Variants in PLEKHA5 observed in about 807,000 individuals in gnomAD.
The protein encoded by PLEKHA5 is pleckstrin homology domain containing A5, also known as pleckstrin homology domain-containing family A member 5.
Under a neutral mutation model 181.9 loss-of-function variants are expected in PLEKHA5, and 55 were observed. That is an observed-to-expected ratio of 0.30 (90% CI 0.24 to 0.38). PLEKHA5 has a LOEUF of 0.38. Among genes scored for constraint, PLEKHA5 ranks in the 10% least tolerant of loss-of-function variants. The pLI is 1.00. For synonymous variants in PLEKHA5, 535 were observed against 529.4 expected (o/e 1.01, Z -0.15); for missense variants, 1,432 against 1,549.5 (o/e 0.92, Z 1.27).
intron 8 of PLEKHA5, 112 bp downstream of exon 8, chr12:19,265,962 A>C: frequency 3.9e-6 from 2 of 511,306 alleles, no homozygotes; most frequent in South Asian, 3.3e-5. Context: ...TTTTATATTT[A>C]AAATATATTA....
intron 17 of PLEKHA5, 140 bp from the exon 18 acceptor site, chr12:19,320,422 A>G: frequency 2.0e-6 from 1 of 496,688 alleles, no homozygotes; most frequent in South Asian, 3.4e-5. Flanking sequence ...TTTGAATTAA[A>G]CTTCTAAAAG....
intron 11 of PLEKHA5, among the ~76,000 whole-genome samples, chr12:19,278,230 A>G (rs1283965351): frequency 6.6e-6 from 1 of 152,186 alleles, no homozygotes; most frequent in Non-Finnish European, 1.5e-5. Context: ...CAAGCTTACT[A>G]AAAATATATA....
At chr12:19,274,459 GA>G in intron 10 of PLEKHA5, 56 bp from the exon 11 acceptor site, 1 of 1,219,598 alleles carries the variant, frequency 8.2e-7, no homozygotes, top group Admixed American at 2.3e-5. Flanking sequence ...TTGAATCCCA[GA>G]AGTAATATGT....
intron 3 of PLEKHA5, among the ~76,000 whole-genome samples, chr12:19,158,294 A>G (rs371294045): frequency 6.6e-6 from 1 of 152,014 alleles, no homozygotes; most frequent in African/African-American, 2.4e-5. Context: ...TGGAGCTTGC[A>G]GTGAGCCGAG....
intron 3 of PLEKHA5, among the ~76,000 whole-genome samples, chr12:19,250,828 A>T (rs2065079778): frequency 6.6e-6 from 1 of 152,152 alleles, no homozygotes; most frequent in South Asian, 2.1e-4. Flanking sequence ...CGTATTGCAA[A>T]AATATAGCAT....
chr12:19,342,393 A>T (rs746720433), intron 21 of PLEKHA5, among the ~76,000 whole-genome samples: 1 of 152,094 alleles, frequency 6.6e-6, no homozygotes, highest in African/African-American at 2.4e-5. Context: ...GCGGTGGCTC[A>T]CACCTGTAAT....
chr12:19,287,473 C>G lies in PLEKHA5; in HGVS notation c.1780C>G (p.His594Asp). 1.9e-6 allele frequency: 3 copies of G among 1,598,202 alleles called. No homozygotes were observed. The highest frequency in any genetic ancestry group is 2.6e-6 in the Non-Finnish European group (3 of 1,168,536). The change falls in exon 13 of 32, where the codon CAT becomes GAT. Residue 594 changes from histidine (H) to aspartate (D), a missense_variant and splice_region_variant. By Grantham distance (81) the His-to-Asp change is moderately conservative. Transcript: ENST00000429027. ...TTACATTGTGCCTTTACTTTCCTAG[C>G]ATGTCTATGTGCCTGACAGAAGGTC... ...DRRHRAHHPK[H>D]VYVPDRRSVP...
In PLEKHA5 at chr12:19,283,698, AGAG is replaced by A. The variant is rs764440887; in HGVS notation, c.1736_1738del (p.Gly579del). ...ATCGGAAGTGTCTTCACCAATTCAG[AGAG>A]GAGATGTGACAATAGACCGCAGACA... is the stretch of plus-strand genomic sequence containing the variant. On this transcript the variant is annotated inframe_deletion, in exon 12 of 32. Coordinates refer to ENST00000429027, the MANE Select transcript of PLEKHA5 (RefSeq NM_001256470.2). The A allele has an allele frequency of 6.2e-7, 1 of 1,614,004 alleles. No individual in the cohort carries two copies. Among genetic ancestry groups the A allele is most frequent in the Non-Finnish European group, 8.5e-7 (1 of 1,179,970 alleles).
chr12:19,365,264 G>A (rs1050539249), intron 29 of PLEKHA5, among the ~76,000 whole-genome samples: 1 of 151,840 alleles, frequency 6.6e-6, no homozygotes, highest in Admixed American at 6.6e-5. Flanking sequence ...CTACTCGGGA[G>A]GCTGAGGCAG....
intron 7 of PLEKHA5, among the ~76,000 whole-genome samples, chr12:19,261,524 T>C (rs1471832331): frequency 1.3e-5 from 2 of 152,198 alleles, no homozygotes; most frequent in Non-Finnish European, 2.9e-5. Flanking sequence ...AATTCAGTTT[T>C]AAATAAAAAT....
intron 3 of PLEKHA5, among the ~76,000 whole-genome samples, chr12:19,136,871 T>A (rs574781793): frequency 6.6e-6 from 1 of 152,184 alleles, no homozygotes; most frequent in Non-Finnish European, 1.5e-5. Context: ...CTGGATCTAA[T>A]GTATGCTAAT....
intron 20 of PLEKHA5, among the ~76,000 whole-genome samples, chr12:19,335,299 C>A (rs2093330285): frequency 6.6e-6 from 1 of 151,900 alleles, no homozygotes; most frequent in Non-Finnish European, 1.5e-5. Context: ...TCCTAAAGTG[C>A]TGGGATTATA....
rs530651755 is a variant in PLEKHA5, at chr12:19,170,945, T to C, written c.227+38495T>C. The stretch of plus-strand genomic sequence containing the variant: ...TGTTTATAGTTGTAGTCTGTTACCA[T>C]TGTGTCTTTTGGTGTTTGACTAATA... On this transcript the variant is annotated intron_variant, in intron 3 of 31. Transcript: ENST00000429027. Among the ~76,000 whole-genome samples the C allele has an allele frequency of 3.3e-4, 50 of 152,320 alleles. No homozygotes were observed. In the South Asian group the frequency reaches 0.01, roughly 31 times the overall value.
chr12:19,233,772 G>A (rs2060977407), intron 3 of PLEKHA5, among the ~76,000 whole-genome samples: 1 of 152,180 alleles, frequency 6.6e-6, no homozygotes, highest in South Asian at 2.1e-4. Context: ...AGAGTACTTT[G>A]GAGGCCCTCA....
At chr12:19,176,236 T>G (rs2047187583) in intron 3 of PLEKHA5, 1 of 128,052 alleles carries the variant, frequency 7.8e-6, no homozygotes, top group Admixed American at 8.9e-5. Flanking sequence ...CCTCCCTCCC[T>G]CTGTCTCTAT....
intron 6 of PLEKHA5, among the ~76,000 whole-genome samples, chr12:19,257,941 A>G (rs944722165): frequency 6.6e-6 from 1 of 151,728 alleles, no homozygotes; most frequent in African/African-American, 2.4e-5. Context: ...ACAGTTGTAT[A>G]TTTCCCCCCT....
At chr12:19,146,915 G>A (rs1412946164) in intron 3 of PLEKHA5, among the ~76,000 whole-genome samples, 1 of 152,198 alleles carries the variant, frequency 6.6e-6, no homozygotes, top group African/African-American at 2.4e-5. Flanking sequence ...CTCATGTAAA[G>A]TGGAGAGGAT....
At chr12:19,331,993 A>G (rs1272648837) in intron 20 of PLEKHA5, among the ~76,000 whole-genome samples, 1 of 152,100 alleles carries the variant, frequency 6.6e-6, no homozygotes, top group African/African-American at 2.4e-5. Context: ...ACTCCAGCCC[A>G]GGTGACAGAG....
At chr12:19,330,865 G>C (rs1246462383) in intron 20 of PLEKHA5, among the ~76,000 whole-genome samples, 1 of 152,036 alleles carries the variant, frequency 6.6e-6, no homozygotes, top group African/African-American at 2.4e-5. Flanking sequence ...ATAGTGGTGG[G>C]CATTAATTTG....
Sources: gnomAD v4.1 joint callset for allele counts (sites outside exome capture counted in the v4.1 genomes callset) on GRCh38, gnomAD v4.1.1 for gene constraint, MANE v1.5 for transcripts, NCBI Gene and HGNC (gene_info 2026-07-23, HGNC 2026-07-21) for gene names.